PTCHD1: variants seen among roughly 807,000 people sequenced by gnomAD.
The protein encoded by PTCHD1 is patched domain-containing protein 1.
A neutral mutation model predicts 34.6 loss-of-function variants in PTCHD1; 3 were observed. That is an observed-to-expected ratio of 0.09 (90% CI 0.04 to 0.22). PTCHD1 has a LOEUF of 0.22. Among genes scored for constraint, PTCHD1 ranks in the 10% least tolerant of loss-of-function variants. PTCHD1 has a pLI of 1.00. For synonymous variants in PTCHD1, 305 were observed against 283.1 expected (o/e 1.08, Z -0.77); for missense variants, 504 against 685.5 (o/e 0.74, Z 2.96).
chrX:23,389,667 C>T (rs146078633), intron 2 of PTCHD1, among the ~76,000 whole-genome samples: 1,730 of 111,646 alleles, frequency 0.015, 33 homozygotes, highest in East Asian at 0.098. Flanking sequence ...CAAATTCTTT[C>T]TCAGGGCCTC....
intron 1 of PTCHD1, among the ~76,000 whole-genome samples, chrX:23,362,924 C>T (rs1030909822): frequency 9.8e-5 from 11 of 112,412 alleles, no homozygotes; most frequent in African/African-American, 3.6e-4. Context: ...TGGAGGTCCA[C>T]TCCAGACCCT....
At position 23,350,286 on chromosome X, in the gene PTCHD1, A is replaced by G. The variant is rs990467726; in HGVS notation, c.351+15060A>G. Among the ~76,000 whole-genome samples the G allele has an allele frequency of 2.7e-5, 3 of 111,056 alleles. No individual in the cohort carries two copies. In the Admixed American group the frequency reaches 2.9e-4, roughly 11 times the overall value. The stretch of plus-strand genomic sequence containing the variant: ...TTTACTTTTTTGGTGGCCCCTATCA[A>G]CATCCCAAGAATCTAATGTGCCTCA... On this transcript the variant is annotated intron_variant, in intron 1 of 2. Transcript: ENST00000379361.
chrX:23,387,884 G>T (rs1235941993), intron 2 of PTCHD1, among the ~76,000 whole-genome samples: 1 of 112,121 alleles, frequency 8.9e-6, no homozygotes, highest in Non-Finnish European at 1.9e-5. Flanking sequence ...TGCTTTAGAA[G>T]CATTTTTATC....
At chrX:23,375,897 A>G (rs181131931) in intron 1 of PTCHD1, among the ~76,000 whole-genome samples, 36 of 112,172 alleles carry the variant, frequency 3.2e-4, no homozygotes, top group African/African-American at 1.1e-3. Flanking sequence ...AGAAGCTAAT[A>G]ATTTACGTGA....
At chrX:23,386,134 G>A (rs1162828854) in intron 2 of PTCHD1, among the ~76,000 whole-genome samples, 3 of 111,033 alleles carry the variant, frequency 2.7e-5, no homozygotes, top group Admixed American at 1.9e-4. Flanking sequence ...TATTCTATAC[G>A]AAAAGAAATT....
intron 1 of PTCHD1, among the ~76,000 whole-genome samples, chrX:23,337,540 A>C (rs1284986594): frequency 9.4e-6 from 1 of 106,213 alleles, no homozygotes; most frequent in Non-Finnish European, 1.9e-5. Flanking sequence ...AATTTTTTTC[A>C]TTTAGAGACA....
rs148508790 is a variant in PTCHD1, at chrX:23,360,405, A to G, written c.352-19186A>G. Among the ~76,000 whole-genome samples, 724 of 111,515 alleles carry G rather than the reference A, an allele frequency of 6.5e-3. 8 individuals carry two copies. Among genetic ancestry groups the G allele is most frequent in the African/African-American group, 0.022 (690 of 30,686 alleles). On this transcript the variant is annotated intron_variant, in intron 1 of 2. Coordinates refer to ENST00000379361, the MANE Select transcript of PTCHD1 (RefSeq NM_173495.3). ...GTTGTATGTGTCCAAGAATTTATCC[A>G]TTTCTTCTAGATTTTCTAGTTTATT...
intron 1 of PTCHD1, among the ~76,000 whole-genome samples, chrX:23,335,616 C>A (rs1316933422): frequency 1.8e-5 from 2 of 112,553 alleles, no homozygotes; most frequent in African/African-American, 6.4e-5. Context: ...TACTTGAGAA[C>A]AAAATACTAT....
intron 1 of PTCHD1, among the ~76,000 whole-genome samples, chrX:23,378,448 T>G (rs950937470): frequency 8.9e-6 from 1 of 112,273 alleles, no homozygotes; most frequent in Non-Finnish European, 1.9e-5. Context: ...TTACACATAC[T>G]CGTACATATC....
intron 1 of PTCHD1, among the ~76,000 whole-genome samples, chrX:23,349,612 A>G (rs1271394428): frequency 8.9e-6 from 1 of 111,902 alleles, no homozygotes; most frequent in Non-Finnish European, 1.9e-5. Flanking sequence ...TTCTCCAAGA[A>G]GATACAACAA....
At chrX:23,357,113 C>G (rs1921829639) in intron 1 of PTCHD1, among the ~76,000 whole-genome samples, 1 of 112,122 alleles carries the variant, frequency 8.9e-6, no homozygotes, top group Non-Finnish European at 1.9e-5. Context: ...CAGGCTGCCT[C>G]TGGGGCTCTT....
At chrX:23,360,641 T>C (rs926253344) in intron 1 of PTCHD1, among the ~76,000 whole-genome samples, 1 of 111,775 alleles carries the variant, frequency 8.9e-6, no homozygotes, top group Non-Finnish European at 1.9e-5. Context: ...TTTGTGTCTC[T>C]ATCTCCCTCA....
chrX:23,360,456 C>G (rs1264456221), intron 1 of PTCHD1, among the ~76,000 whole-genome samples: 1 of 112,100 alleles, frequency 8.9e-6, no homozygotes, highest in Non-Finnish European at 1.9e-5. Context: ...ATAGTATTCT[C>G]TGATGGTAGT....
chrX:23,342,955 G>A (rs1921380813), intron 1 of PTCHD1, among the ~76,000 whole-genome samples: 1 of 111,960 alleles, frequency 8.9e-6, no homozygotes, highest in Non-Finnish European at 1.9e-5. Context: ...TCATGTGATC[G>A]TTTCTCTTAA....
At chrX:23,369,913 T>C (rs1280136105) in intron 1 of PTCHD1, among the ~76,000 whole-genome samples, 2 of 112,150 alleles carry the variant, frequency 1.8e-5, no homozygotes, top group East Asian at 5.6e-4. Context: ...TCAGCAAAGA[T>C]GAGAGCAAAA....
At chrX:23,360,354 A>G (rs1367725783) in intron 1 of PTCHD1, among the ~76,000 whole-genome samples, 1 of 111,443 alleles carries the variant, frequency 9.0e-6, no homozygotes, top group Non-Finnish European at 1.9e-5. Flanking sequence ...CAGGGATTCA[A>G]CTTCTTCCTG....
intron 1 of PTCHD1, among the ~76,000 whole-genome samples, chrX:23,368,972 G>A (rs1248618648): frequency 9.0e-6 from 1 of 111,219 alleles, no homozygotes; most frequent in Non-Finnish European, 1.9e-5. Context: ...GCTGAAGCAG[G>A]AGAATCGCTT....
intron 1 of PTCHD1, among the ~76,000 whole-genome samples, chrX:23,347,811 C>T (rs1033604651): frequency 1.8e-5 from 2 of 111,006 alleles, no homozygotes; most frequent in African/African-American, 6.6e-5. Flanking sequence ...TTCATAACCA[C>T]CCTGGGCAAC....
chrX:23,341,564 C>T, intron 1 of PTCHD1, among the ~76,000 whole-genome samples: 1 of 112,020 alleles, frequency 8.9e-6, no homozygotes, highest in Non-Finnish European at 1.9e-5. Flanking sequence ...TGCTTGATAG[C>T]ACATCACAGC....
Sources: gnomAD v4.1 joint callset for allele counts (sites outside exome capture counted in the v4.1 genomes callset) on GRCh38, gnomAD v4.1.1 for gene constraint, MANE v1.5 for transcripts, NCBI Gene and HGNC (gene_info 2026-07-23, HGNC 2026-07-21) for gene names.